Variants in LGI2 observed in about 807,000 individuals in gnomAD.
LGI2 encodes the protein leucine-rich repeat LGI family member 2.
A neutral mutation model predicts 52.0 loss-of-function variants in LGI2; 30 were observed. That is an observed-to-expected ratio of 0.58 (90% CI 0.43 to 0.78). The LOEUF (loss-of-function observed/expected upper bound fraction) is 0.78, where lower values mean the gene tolerates loss of function less well. Ranked by LOEUF, LGI2 falls within the 30% of genes least tolerant of loss-of-function variation. The pLI, the probability that LGI2 is intolerant of heterozygous loss-of-function variation, is 0.00. For missense variants in LGI2, 573 were observed against 692.5 expected, an observed-to-expected ratio of 0.83 and a Z score of 1.94; for synonymous variants, 270 against 271.8, an observed-to-expected ratio of 0.99 and a Z score of 0.06.
chr4:25,028,261 C>G (rs1002402798), intron 2 of LGI2, among the ~76,000 whole-genome samples: 10 of 152,176 alleles, frequency 6.6e-5, no homozygotes, highest in Non-Finnish European at 4.4e-5. Flanking sequence ...TTTACTAGAT[C>G]TGGGTGTTGG....
chr4:24,993,970 A>G (rs576406523), downstream of LGI2, among the ~76,000 whole-genome samples: 1 of 152,340 alleles, frequency 6.6e-6, no homozygotes, highest in African/African-American at 2.4e-5. Flanking sequence ...AATATGAAAT[A>G]CCAGAAAATT....
intron 7 of LGI2, among the ~76,000 whole-genome samples, chr4:25,006,522 C>T (rs1057292434): frequency 3.3e-5 from 5 of 152,168 alleles, no homozygotes; most frequent in African/African-American, 1.2e-4. Flanking sequence ...CCATTCTGGT[C>T]TTCCTGCAAG....
chr4:25,016,856 A>G lies in LGI2; in HGVS notation c.655+1133T>C, dbSNP rs894671657. ...CCTGACATGACTTGAGGCTTTGTAGATATCAGCTCTCAGCCTGAATGTTTA... is the reference window on the plus strand; with the variant it reads ...CCTGACATGACTTGAGGCTTTGTAGGTATCAGCTCTCAGCCTGAATGTTTA... On this transcript the variant is annotated intron_variant, in intron 6 of 7. Transcript: ENST00000382114. Among the ~76,000 whole-genome samples the G allele has an allele frequency of 2.6e-5, 4 of 152,152 alleles. No individual in the cohort carries two copies. The South Asian group carries it at 6.2e-4, about 24-fold the overall frequency.
At chr4:24,994,915 C>A (rs1725018293), downstream of LGI2, among the ~76,000 whole-genome samples, 1 of 152,148 alleles carries the variant, frequency 6.6e-6, no homozygotes, top group East Asian at 1.9e-4. Context: ...GCTTAGGAGA[C>A]CTTATTGTCA....
chr4:25,005,301 C>G (rs1168239584), intron 7 of LGI2, among the ~76,000 whole-genome samples: 1 of 152,074 alleles, frequency 6.6e-6, no homozygotes, highest in Non-Finnish European at 1.5e-5. Flanking sequence ...TGTATGTTGC[C>G]ACAATTAAAA....
rs371547311 is a variant in LGI2 at position 25,003,408 on chromosome 4, G to A, written c.*43C>T. 2.3e-4 allele frequency: 307 copies of A among 1,356,068 alleles called. No individual in the cohort carries two copies. The highest frequency in any genetic ancestry group is 3.0e-4 in the Non-Finnish European group (298 of 992,412). The allele number at this position is 1,356,068 out of a possible 1,614,324, so 84.0% of individuals were successfully genotyped here. On this transcript the variant is annotated 3_prime_UTR_variant, in exon 8 of 8. Coordinates refer to ENST00000382114, the MANE Select transcript of LGI2 (RefSeq NM_018176.4). Reference sequence around the variant, plus strand: ...TTGATTTTTCTTGGTCCTCTTTTGTGAGAGCTAATGCTACATTTCTCTTAG... The same window carrying A: ...TTGATTTTTCTTGGTCCTCTTTTGTAAGAGCTAATGCTACATTTCTCTTAG...
intron 3 of LGI2, 31 bp downstream of exon 3, chr4:25,026,837 G>A: frequency 6.5e-7 from 1 of 1,530,818 alleles, no homozygotes; most frequent in Non-Finnish European, 9.1e-7. Context: ...GATACCGAAT[G>A]TTCAGCAAAT....
rs187921079 is a variant in LGI2, at chr4:25,005,421, C to T, written c.821-1153G>A. Among the ~76,000 whole-genome samples, 3 of 152,070 alleles carry T rather than the reference C, an allele frequency of 2.0e-5. No homozygotes were observed. The East Asian group carries it at 5.8e-4, about 29-fold the overall frequency. On this transcript the variant is annotated intron_variant, in intron 7 of 7. Transcript: ENST00000382114. ...GCATACAATTCAGGAAACTCACTAA[C>T]GCACCAAGGGAATTATCATCATGTT...
At chr4:25,025,979 T>A (rs944832921) in intron 3 of LGI2, among the ~76,000 whole-genome samples, 1 of 152,190 alleles carries the variant, frequency 6.6e-6, no homozygotes, top group African/African-American at 2.4e-5. Context: ...ACACTTTCCA[T>A]ACTATGTATA....
intron 2 of LGI2, 81 bp from the exon 3 acceptor site, chr4:25,027,020 G>T: frequency 9.1e-7 from 1 of 1,096,214 alleles, no homozygotes; most frequent in Non-Finnish European, 1.4e-6. Flanking sequence ...CCTTTGCTAC[G>T]TTTTGATCTG....
chr4:24,992,413 C>A, the LGI2 span, among the ~76,000 whole-genome samples: 1 of 152,146 alleles, frequency 6.6e-6, no homozygotes, highest in South Asian at 2.1e-4. Flanking sequence ...GGGTGGTCAG[C>A]AGAAAAGGCT....
chr4:25,009,206 T>C (rs185941173), intron 7 of LGI2, among the ~76,000 whole-genome samples: 2 of 152,368 alleles, frequency 1.3e-5, no homozygotes, highest in Non-Finnish European at 1.5e-5. Context: ...TCAGCCTTTC[T>C]GACTTTGGAC....
chr4:25,003,366 T>A lies in LGI2; in HGVS notation c.*85A>T. 1 of 959,348 alleles carries A rather than the reference T, an allele frequency of 1.0e-6. No individual in the cohort carries two copies. Among genetic ancestry groups the A allele is most frequent in the African/African-American group, 1.7e-5 (1 of 60,452 alleles). 59.4% of individuals were successfully genotyped at this position (959,348 alleles called of 1,614,324 possible). A position where few individuals can be genotyped will look rare whatever the true frequency, so the allele number is the denominator to read the frequency against. The stretch of plus-strand genomic sequence containing the variant: ...CTTTTTAATTTCAGAGCTCTGAGCC[T>A]GGCTTTGATTTGTTTGTTGATTTTT... On this transcript the variant is annotated 3_prime_UTR_variant, in exon 8 of 8. Coordinates refer to ENST00000382114, the MANE Select transcript of LGI2 (RefSeq NM_018176.4).
intron 7 of LGI2, among the ~76,000 whole-genome samples, chr4:25,007,988 C>G (rs1002753249): frequency 6.6e-6 from 1 of 152,330 alleles, no homozygotes; most frequent in Admixed American, 6.5e-5. Flanking sequence ...GCAAGTAGCA[C>G]CTAGGGCAGT....
In LGI2 at chr4:25,011,081, C is replaced by CAA. The variant is rs35953611; in HGVS notation, c.820+1252_820+1253dup. ...TGGGTGACAGAGTAAGAGCCTGTCTCAAAAAAAAAAAAAATCAAAAAAACC... is the reference window on the plus strand; with the variant it reads ...TGGGTGACAGAGTAAGAGCCTGTCTCAAAAAAAAAAAAAAAATCAAAAAAACC... On this transcript the variant is annotated intron_variant, in intron 7 of 7. Transcript: ENST00000382114. Among the ~76,000 whole-genome samples, 270 of 136,950 alleles carry CAA rather than the reference C, an allele frequency of 2.0e-3. 2 individuals are homozygous for CAA. The highest frequency in any genetic ancestry group is 3.7e-3 in the Admixed American group (50 of 13,638). The allele number at this position is 136,950 out of a possible 152,430, so 89.8% of individuals were successfully genotyped here.
chr4:25,006,900 G>A (rs1362118754), intron 7 of LGI2, among the ~76,000 whole-genome samples: 1 of 152,074 alleles, frequency 6.6e-6, no homozygotes, highest in Non-Finnish European at 1.5e-5. Context: ...GAATCAAAAA[G>A]CACAAAGAAG....
intron 7 of LGI2, among the ~76,000 whole-genome samples, chr4:25,008,903 C>T (rs1023911375): frequency 1.3e-5 from 2 of 152,232 alleles, no homozygotes; most frequent in Non-Finnish European, 2.9e-5. Context: ...GCCCCAGCCA[C>T]ACCCACTCGG....
rs1451035942 is a variant in LGI2 at position 25,030,613 on chromosome 4, G to A, written c.81C>T (p.Ser27=). ...LLGAACLIPR[S]AQVRRLARCP... ...AGCGCGCCAGCCGCCTCACCTGCGC[G>A]CTCCGCGGTATCAGGCACGCGGCGC... The change falls in exon 1 of 8, where the codon AGC becomes AGT. Residue 27 remains serine (S), a synonymous_variant. Transcript: ENST00000382114. The A allele has an allele frequency of 6.4e-7, 1 of 1,559,506 alleles. No homozygotes were observed. Among genetic ancestry groups the A allele is most frequent in the Non-Finnish European group, 8.7e-7 (1 of 1,153,368 alleles).
chr4:25,001,452 A>C lies in LGI2; in HGVS notation c.*1999T>G, dbSNP rs1001976284. On this transcript the variant is annotated 3_prime_UTR_variant, in exon 8 of 8. Coordinates refer to ENST00000382114, the MANE Select transcript of LGI2 (RefSeq NM_018176.4). Reference sequence around the variant, plus strand: ...TATCTGAGTGGTTCCATGCAACAGAAAGAATAGCTTGCCATCTTTAGGACT... The same window carrying C: ...TATCTGAGTGGTTCCATGCAACAGACAGAATAGCTTGCCATCTTTAGGACT... 1 of 152,198 alleles carries C rather than the reference A, an allele frequency of 6.6e-6. No homozygotes were observed. The highest frequency in any genetic ancestry group is 1.5e-5 in the Non-Finnish European group (1 of 68,030). 9.4% of individuals were successfully genotyped at this position (152,198 alleles called of 1,614,324 possible). A position where few individuals can be genotyped will look rare whatever the true frequency, so the allele number is the denominator to read the frequency against.
Sources: gnomAD v4.1 joint callset for allele counts (sites outside exome capture counted in the v4.1 genomes callset) on GRCh38, gnomAD v4.1.1 for gene constraint, MANE v1.5 for transcripts, NCBI Gene and HGNC (gene_info 2026-07-23, HGNC 2026-07-21) for gene names.